Variants in PLCL2 observed in about 807,000 individuals in gnomAD.
The protein encoded by PLCL2 is phospholipase C like 2, also known as inactive phospholipase C-like protein 2.
A neutral mutation model predicts 79.6 loss-of-function variants in PLCL2; 4 were observed. The observed-to-expected ratio is 0.05, with a 90% CI of 0.02 to 0.11. The LOEUF (loss-of-function observed/expected upper bound fraction) is 0.11. Among genes scored for constraint, PLCL2 ranks in the 10% least tolerant of loss-of-function variants. The pLI is 1.00. For missense variants in PLCL2, 895 were observed against 1,291.0 expected (o/e 0.69, Z 4.70); for synonymous variants, 484 against 457.7 (o/e 1.06, Z -0.73).
chr3:17,064,559 G>T (rs1020997473), intron 4 of PLCL2, among the ~76,000 whole-genome samples: 12 of 152,008 alleles, frequency 7.9e-5, no homozygotes, highest in Non-Finnish European at 1.2e-4. Flanking sequence ...TTGCCCTGGC[G>T]CTCGCATGTC....
intron 1 of PLCL2, among the ~76,000 whole-genome samples, chr3:16,924,827 AT>A (rs1218412581): frequency 1.3e-5 from 2 of 152,092 alleles, no homozygotes; most frequent in Non-Finnish European, 2.9e-5. Flanking sequence ...TAAAGCAATG[AT>A]TTTTACTAGG....
intron 3 of PLCL2, among the ~76,000 whole-genome samples, chr3:17,036,843 G>A (rs1376772987): frequency 6.6e-6 from 1 of 152,184 alleles, no homozygotes; most frequent in Admixed American, 6.5e-5. Flanking sequence ...CTCAGTATCT[G>A]GTGAAGGTCT....
intron 3 of PLCL2, among the ~76,000 whole-genome samples, chr3:17,023,991 T>A (rs1295227994): frequency 6.6e-6 from 1 of 152,178 alleles, no homozygotes; most frequent in Non-Finnish European, 1.5e-5. Flanking sequence ...AGCCTTTCCC[T>A]CTCTGCTGCA....
At chr3:17,060,616 C>A (rs1490463964) in intron 4 of PLCL2, among the ~76,000 whole-genome samples, 5 of 152,134 alleles carry the variant, frequency 3.3e-5, no homozygotes, top group African/African-American at 9.7e-5. Flanking sequence ...TAAACAGGTA[C>A]TATATATAAA....
chr3:17,065,440 A>G (rs1228068372), intron 4 of PLCL2, among the ~76,000 whole-genome samples: 1 of 152,162 alleles, frequency 6.6e-6, no homozygotes, highest in Non-Finnish European at 1.5e-5. Context: ...CTTAAGACCT[A>G]GAGTAGCTGT....
intron 1 of PLCL2, among the ~76,000 whole-genome samples, chr3:16,885,859 C>A (rs1696208415): frequency 6.6e-6 from 1 of 152,124 alleles, no homozygotes. Context: ...GTTTACACTT[C>A]GAGGGTGCAA....
chr3:17,011,323 A>G lies in PLCL2; in HGVS notation c.1977A>G (p.Glu659=). ...TGCTTGCCAGCAAGTACGCCAATGAAAATCCAGGGGACTTTGTAAATTACA... is the reference window on the plus strand; with the variant it reads ...TGCTTGCCAGCAAGTACGCCAATGAGAATCCAGGGGACTTTGTAAATTACA... ...NEVLASKYAN[E]NPGDFVNYNK... is the part of the protein sequence containing the mutation. Residue 659 remains glutamate (E), a synonymous_variant, in exon 2 of 6, where the codon GAA becomes GAG. Coordinates refer to ENST00000615277, the MANE Select transcript of PLCL2 (RefSeq NM_001144382.2). The surrounding 1 kb of genome is among the most constrained non-coding windows in gnomAD (Gnocchi z 7.9). 1 of 1,614,226 alleles carries G rather than the reference A, an allele frequency of 6.2e-7. No homozygotes were observed. The highest frequency in any genetic ancestry group is 1.1e-5 in the South Asian group (1 of 91,082).
chr3:17,058,268 C>T (rs960079400), intron 4 of PLCL2, among the ~76,000 whole-genome samples: 10 of 152,214 alleles, frequency 6.6e-5, no homozygotes, highest in African/African-American at 2.2e-4. Context: ...AAAACAGGAA[C>T]AGCAAATGAG....
At chr3:17,034,967 G>T (rs1472925324) in intron 3 of PLCL2, among the ~76,000 whole-genome samples, 1 of 152,040 alleles carries the variant, frequency 6.6e-6, no homozygotes, top group African/African-American at 2.4e-5. Flanking sequence ...TTCTTTTCCT[G>T]CCCTCGGACC....
At chr3:17,018,650 A>G (rs2064412280) in intron 3 of PLCL2, among the ~76,000 whole-genome samples, 1 of 152,198 alleles carries the variant, frequency 6.6e-6, no homozygotes, top group South Asian at 2.1e-4. Flanking sequence ...ATACATCATG[A>G]CCATAAAGTC....
At chr3:17,071,580 A>G (rs776067161) in intron 5 of PLCL2, among the ~76,000 whole-genome samples, 4 of 152,086 alleles carry the variant, frequency 2.6e-5, no homozygotes, top group Non-Finnish European at 5.9e-5. Context: ...TATTCCAGGA[A>G]CCTTTCTATA....
At position 17,011,278 on chromosome 3, in the gene PLCL2, A is replaced by T. The variant is rs2064319393; in HGVS notation, c.1932A>T (p.Glu644Asp). Residue 644 changes from glutamate (E) to aspartate (D), a missense_variant, in exon 2 of 6, where the codon GAA (glutamate) becomes GAT (aspartate). Glu to Asp is a conservative substitution (Grantham distance 45). Transcript: ENST00000615277. This position sits in a 1 kb window ranked among gnomAD's most constrained non-coding sequence, Gnocchi z 7.9. ...QVSFQVQKYW[E>D]VCSFNEVLAS... Reference sequence around the variant, plus strand: ...CGTTTCAGGTTCAGAAGTACTGGGAAGTCTGTTCCTTTAATGAAGTGCTTG... The same window carrying T: ...CGTTTCAGGTTCAGAAGTACTGGGATGTCTGTTCCTTTAATGAAGTGCTTG... 1 of 1,614,120 alleles carries T rather than the reference A, an allele frequency of 6.2e-7. No individual in the cohort carries two copies. The highest frequency in any genetic ancestry group is 1.7e-5 in the Admixed American group (1 of 60,010).
intron 5 of PLCL2, among the ~76,000 whole-genome samples, chr3:17,077,216 A>G (rs910738655): frequency 1.3e-5 from 2 of 152,148 alleles, no homozygotes; most frequent in Non-Finnish European, 2.9e-5. Context: ...CTATCTGAAA[A>G]TCATTGTTTT....
rs894335416 is a variant in PLCL2 at position 16,887,707 on chromosome 3, A to G, written c.327+2341A>G. Among the ~76,000 whole-genome samples the G allele has an allele frequency of 3.9e-5, 6 of 152,218 alleles. No individual in the cohort carries two copies. Among genetic ancestry groups the G allele is most frequent in the Admixed American group, 6.5e-5 (1 of 15,290 alleles). ...TCAGGACAATATCCTAATAGAAAAC[A>G]AAGTCTTTAACATCAAATTTCATAA... On this transcript the variant is annotated intron_variant, in intron 1 of 5. Coordinates refer to ENST00000615277, the MANE Select transcript of PLCL2 (RefSeq NM_001144382.2). This position sits in a 1 kb window ranked among gnomAD's most constrained non-coding sequence, Gnocchi z 4.1.
intron 1 of PLCL2, among the ~76,000 whole-genome samples, chr3:16,899,113 T>A (rs940453337): frequency 6.6e-6 from 1 of 152,220 alleles, no homozygotes; most frequent in Non-Finnish European, 1.5e-5. Context: ...TATCTGTCAC[T>A]ATCGAGGGGA....
At chr3:17,051,246 C>A (rs2064835469) in intron 4 of PLCL2, among the ~76,000 whole-genome samples, 1 of 152,036 alleles carries the variant, frequency 6.6e-6, no homozygotes, top group African/African-American at 2.4e-5. Context: ...TTTGATAGCG[C>A]AACAGGGGTG....
At chr3:16,906,837 G>A (rs1309459512) in intron 1 of PLCL2, among the ~76,000 whole-genome samples, 1 of 152,160 alleles carries the variant, frequency 6.6e-6, no homozygotes, top group Non-Finnish European at 1.5e-5. Context: ...AGAGTGGCCA[G>A]GAAAAACATG....
At chr3:16,965,371 T>C (rs1480463699) in intron 1 of PLCL2, among the ~76,000 whole-genome samples, 2 of 152,138 alleles carry the variant, frequency 1.3e-5, no homozygotes, top group African/African-American at 2.4e-5. Context: ...TTCTGTTCCA[T>C]TGGTCTATAT....
intron 1 of PLCL2, among the ~76,000 whole-genome samples, chr3:16,945,239 T>TAC (rs10542881): frequency 4.5e-4 from 68 of 150,432 alleles, no homozygotes; most frequent in Admixed American, 1.1e-3. Flanking sequence ...CACAAACACA[T>TAC]ACACACACAC....
Sources: gnomAD v4.1 joint callset for allele counts (sites outside exome capture counted in the v4.1 genomes callset) on GRCh38, gnomAD v4.1.1 for gene constraint, Gnocchi (gnomAD v3.1) non-coding constraint, MANE v1.5 for transcripts, NCBI Gene and HGNC (gene_info 2026-07-23, HGNC 2026-07-21) for gene names.